MED12L: variants seen among roughly 807,000 people sequenced by gnomAD.
MED12L encodes the protein mediator of RNA polymerase II transcription subunit 12-like protein.
Under a neutral mutation model 281.3 loss-of-function variants are expected in MED12L, and 60 were observed. That is an observed-to-expected ratio of 0.21 (90% CI 0.17 to 0.26). The LOEUF is 0.26. MED12L is among the 10% of genes least tolerant of loss of function. MED12L has a pLI of 1.00. For missense variants in MED12L, 2,146 were observed against 2,680.9 expected (o/e 0.80, Z 4.41); for synonymous variants, 974 against 987.2 (o/e 0.99, Z 0.25).
chr3:151,282,477 T>C (rs1443487760), intron 16 of MED12L, among the ~76,000 whole-genome samples: 1 of 152,146 alleles, frequency 6.6e-6, no homozygotes, highest in Non-Finnish European at 1.5e-5. Flanking sequence ...GAGAAAGATG[T>C]TGACGTAAGA....
At chr3:151,120,796 G>T (rs1189875324) in intron 3 of MED12L, among the ~76,000 whole-genome samples, 1 of 152,110 alleles carries the variant, frequency 6.6e-6, no homozygotes, top group Non-Finnish European at 1.5e-5. Flanking sequence ...AATATATATT[G>T]CTATTGCAAT....
At chr3:151,229,678 C>T (rs922146731) in intron 16 of MED12L, among the ~76,000 whole-genome samples, 1 of 151,718 alleles carries the variant, frequency 6.6e-6, no homozygotes, top group Non-Finnish European at 1.5e-5. Context: ...GGGGTTTCAT[C>T]GTGGTCTCAA....
chr3:151,260,701 C>T (rs571142891), intron 16 of MED12L, among the ~76,000 whole-genome samples: 7 of 152,064 alleles, frequency 4.6e-5, no homozygotes, highest in African/African-American at 1.2e-4. Context: ...CAATGCTGAC[C>T]GGCTTTGTTT....
At chr3:151,214,616 C>T (rs529792378) in intron 16 of MED12L, among the ~76,000 whole-genome samples, 2 of 149,280 alleles carry the variant, frequency 1.3e-5, no homozygotes, top group Admixed American at 6.7e-5. Context: ...CCTTTTCCCT[C>T]CTCTTCCTTC....
At chr3:151,338,472 T>A in intron 16 of MED12L, 1 of 1,614,006 alleles carries the variant, frequency 6.2e-7, no homozygotes, top group Non-Finnish European at 8.5e-7. Context: ...CCTGGTGGTC[T>A]TCTGGTAGCG....
At chr3:151,121,010 G>T (rs1404661675) in intron 3 of MED12L, among the ~76,000 whole-genome samples, 3 of 152,214 alleles carry the variant, frequency 2.0e-5, no homozygotes, top group Admixed American at 6.5e-5. Flanking sequence ...AAAATAGATT[G>T]CTCAGACTAC....
intron 35 of MED12L, among the ~76,000 whole-genome samples, chr3:151,384,427 A>G (rs1238205666): frequency 6.6e-6 from 1 of 152,268 alleles, no homozygotes; most frequent in Non-Finnish European, 1.5e-5. Flanking sequence ...CAATTACATT[A>G]TAAAACATGT....
At chr3:151,302,784 G>C (rs1018598762) in intron 16 of MED12L, among the ~76,000 whole-genome samples, 2 of 152,092 alleles carry the variant, frequency 1.3e-5, no homozygotes, top group Admixed American at 6.6e-5. Context: ...TCTTTCATAA[G>C]GTCGTTTACT....
At chr3:151,377,310 T>C in intron 30 of MED12L, 132 bp downstream of exon 30, 1 of 699,728 alleles carries the variant, frequency 1.4e-6, no homozygotes, top group Non-Finnish European at 2.3e-6. Context: ...CAGGGATTAT[T>C]ATTAATAAGT....
chr3:151,247,848 A>G (rs1445708300), intron 16 of MED12L, among the ~76,000 whole-genome samples: 1 of 151,884 alleles, frequency 6.6e-6, no homozygotes, highest in Admixed American at 6.6e-5. Flanking sequence ...CAAGAGTCAC[A>G]GTTTTTAAAA....
chr3:151,192,496 T>C (rs989750783), intron 14 of MED12L, 54 bp from the exon 15 acceptor site: 4 of 1,265,040 alleles, frequency 3.2e-6, no homozygotes, highest in Non-Finnish European at 4.4e-6. Context: ...AGCTTCAGTT[T>C]CTTGATGAAC....
intron 2 of MED12L, among the ~76,000 whole-genome samples, chr3:151,097,687 T>C (rs963295665): frequency 1.3e-5 from 2 of 152,188 alleles, no homozygotes; most frequent in African/African-American, 2.4e-5. Context: ...GGAGACATTT[T>C]GGGTTGCCAC....
intron 16 of MED12L, chr3:151,294,212 C>G (rs1744731164): frequency 1.2e-6 from 2 of 1,612,460 alleles, no homozygotes; most frequent in Non-Finnish European, 1.7e-6. Context: ...TTCCGATCTT[C>G]TCACACTTTG....
At chr3:151,367,846 AAGGAGT>A in intron 24 of MED12L, 80 bp downstream of exon 24, 1 of 1,485,910 alleles carries the variant, frequency 6.7e-7, no homozygotes, top group South Asian at 1.3e-5. Flanking sequence ...AACACAGGGA[AAGGAGT>A]ATTTGAGGGT....
chr3:151,157,286 C>T lies in MED12L; in HGVS notation c.726+956C>T, dbSNP rs536359647. ...TAGGTCCTAAAGGAATGAATATAAT[C>T]GAAATAGTAATGTTAAAATTTAAAT... On this transcript the variant is annotated intron_variant, in intron 6 of 44. Transcript: ENST00000687756. Among the ~76,000 whole-genome samples the T allele has an allele frequency of 5.1e-4, 77 of 151,356 alleles. 1 individual carries two copies. The highest frequency in any genetic ancestry group is 1.7e-3 in the African/African-American group (72 of 41,248).
intron 17 of MED12L, among the ~76,000 whole-genome samples, chr3:151,354,127 C>T (rs1335919750): frequency 4.7e-5 from 5 of 106,718 alleles, no homozygotes; most frequent in Non-Finnish European, 6.9e-5. Context: ...GGCGACAGAG[C>T]GAGACTCCGT....
chr3:151,096,400 T>G, intron 2 of MED12L, among the ~76,000 whole-genome samples: 1 of 152,260 alleles, frequency 6.6e-6, no homozygotes, highest in East Asian at 1.9e-4. Flanking sequence ...CCCCTTTTTT[T>G]TCCTCAGGGA....
intron 16 of MED12L, among the ~76,000 whole-genome samples, chr3:151,243,189 T>A (rs990405805): frequency 1.6e-4 from 24 of 151,902 alleles, no homozygotes; most frequent in Non-Finnish European, 3.2e-4. Flanking sequence ...TGGAAAACAC[T>A]CTGCAGGATA....
At chr3:151,392,656 CACAT>C (rs1189241146) in intron 38 of MED12L, among the ~76,000 whole-genome samples, 1 of 152,070 alleles carries the variant, frequency 6.6e-6, no homozygotes, top group Non-Finnish European at 1.5e-5. Flanking sequence ...CACCATCACT[CACAT>C]ACAAAAACAT....
Sources: gnomAD v4.1 joint callset for allele counts (sites outside exome capture counted in the v4.1 genomes callset) on GRCh38, gnomAD v4.1.1 for gene constraint, MANE v1.5 for transcripts, NCBI Gene and HGNC (gene_info 2026-07-23, HGNC 2026-07-21) for gene names.